The following MISP variants were observed in gnomAD, a reference collection of about 807,000 sequenced individuals.
MISP encodes mitotic interactor and substrate of PLK1.
In MISP, 51 loss-of-function variants were observed where a neutral mutation model predicts 49.3. That is an observed-to-expected ratio of 1.03 (90% confidence interval 0.83 to 1.31). The LOEUF is 1.31. MISP is among the 50% of genes most tolerant of loss of function. The probability of loss-of-function intolerance (pLI) is 0.00; values close to 1 mark genes in which losing one functional copy is unlikely to be tolerated. For synonymous variants in MISP, 444 were observed against 392.6 expected, an observed-to-expected ratio of 1.13 and a Z score of -1.55; for missense variants, 1,084 against 935.1, an observed-to-expected ratio of 1.16 and a Z score of -2.08.
chr19:757,970 C>A lies in MISP; in HGVS notation c.1024C>A (p.Arg342=). 6.3e-7 allele frequency: 1 copy of A among 1,585,078 alleles called. No individual in the cohort carries two copies. The highest frequency in any genetic ancestry group is 8.5e-7 in the Non-Finnish European group (1 of 1,170,542). The stretch of plus-strand genomic sequence containing the variant: ...GCTGAGCCTGATCACAGCCCCACGG[C>A]GGGAGAGAGGGCGCCCGTCCCTCTA... ...TKLSLITAPR[R]ERGRPSLYVQ... The change falls in exon 2 of 5, where the codon CGG becomes AGG. Residue 342 remains arginine, a synonymous_variant. Coordinates refer to ENST00000215582, the MANE Select transcript of MISP (RefSeq NM_173481.4).
intron 1 of MISP, among the ~76,000 whole-genome samples, chr19:753,924 G>A (rs981145570): frequency 6.6e-6 from 1 of 152,156 alleles, no homozygotes; most frequent in Admixed American, 6.5e-5. Context: ...TTACAGGCCT[G>A]AGCCCCTGTG....
At chr19:752,722 C>T (rs533023037) in intron 1 of MISP, among the ~76,000 whole-genome samples, 20 of 148,732 alleles carry the variant, frequency 1.3e-4, no homozygotes, top group African/African-American at 4.9e-4. Flanking sequence ...GGCACCTGCT[C>T]GAGGCTGGGC....
chr19:748,844 A>C (rs1422088299), upstream of MISP, among the ~76,000 whole-genome samples: 1 of 152,130 alleles, frequency 6.6e-6, no homozygotes, highest in African/African-American at 2.4e-5. Flanking sequence ...CCATCTGTAA[A>C]ATAAGCCTTC....
At chr19:752,724 A>C in intron 1 of MISP, among the ~76,000 whole-genome samples, 1 of 138,310 alleles carries the variant, frequency 7.2e-6, no homozygotes, top group Non-Finnish European at 1.6e-5. Context: ...CACCTGCTCG[A>C]GGCTGGGCGG....
At chr19:755,826 C>T (rs2033541155) in intron 1 of MISP, among the ~76,000 whole-genome samples, 1 of 151,954 alleles carries the variant, frequency 6.6e-6, no homozygotes, top group African/African-American at 2.4e-5. Flanking sequence ...CCCAGCTACT[C>T]AGGAGGCTGA....
In MISP at chr19:760,005, G is replaced by A. The variant is rs1381804456; in HGVS notation, c.1877G>A (p.Ser626Asn). ...TGGACAGTGGAAGATCCAGTGGACA[G>A]TGCTCCTCCCGGGCAGAGAAAGAAG... Reference protein sequence around the residue: ...VAWTVEDPVDSAPPGQRKKEQ... With the variant: ...VAWTVEDPVDNAPPGQRKKEQ... The change falls in exon 3 of 5, where the codon AGT (serine) becomes AAT (asparagine). Residue 626 changes from serine to asparagine, a missense_variant. Physicochemically the swap from Ser to Asn is conservative, Grantham distance 46. Coordinates refer to ENST00000215582, the MANE Select transcript of MISP (RefSeq NM_173481.4). 2 of 1,614,058 alleles carry A rather than the reference G, an allele frequency of 1.2e-6. No homozygotes were observed. The highest frequency in any genetic ancestry group is 2.7e-5 in the African/African-American group (2 of 75,016).
upstream of MISP, among the ~76,000 whole-genome samples, chr19:748,768 C>T (rs1016584109): frequency 6.6e-5 from 10 of 152,310 alleles, 1 homozygote; most frequent in South Asian, 8.3e-4. Flanking sequence ...GGTGCTGCCC[C>T]GCCAGCCCCA....
In MISP at chr19:760,015, C is replaced by T. The variant is rs373129325; in HGVS notation, c.1887C>T (p.Pro629=). 40 of 1,613,764 alleles carry T rather than the reference C, an allele frequency of 2.5e-5. No homozygotes were observed. The highest frequency in any genetic ancestry group is 8.3e-5 in the Admixed American group (5 of 59,958). ...TVEDPVDSAP[P]GQRKKEQWYA... Reference sequence around the variant, plus strand: ...AAGATCCAGTGGACAGTGCTCCTCCCGGGCAGAGAAAGAAGGAGCAATGGG... The same window carrying T: ...AAGATCCAGTGGACAGTGCTCCTCCTGGGCAGAGAAAGAAGGAGCAATGGG... The change falls in exon 3 of 5, where the codon CCC becomes CCT. Residue 629 remains proline, a synonymous_variant. Coordinates refer to ENST00000215582, the MANE Select transcript of MISP (RefSeq NM_173481.4).
At chr19:758,829 T>C (rs761555420) in intron 2 of MISP, 103 bp downstream of exon 2, 124 of 905,766 alleles carry the variant, frequency 1.4e-4, no homozygotes, top group Non-Finnish European at 1.9e-4. Flanking sequence ...GGGCTGGGGT[T>C]GGGGAGACAT....
At position 756,914 on chromosome 19, in the gene MISP, G is replaced by C; in HGVS notation, c.-33G>C. 3 of 1,477,238 alleles carry C rather than the reference G, an allele frequency of 2.0e-6. No individual in the cohort carries two copies. The highest frequency in any genetic ancestry group is 2.7e-6 in the Non-Finnish European group (3 of 1,106,560). 91.5% of individuals were successfully genotyped at this position (1,477,238 alleles called of 1,614,324 possible). A position where few individuals can be genotyped will look rare whatever the true frequency, so the allele number is the denominator to read the frequency against. On this transcript the variant is annotated 5_prime_UTR_variant, in exon 2 of 5. Coordinates refer to ENST00000215582, the MANE Select transcript of MISP (RefSeq NM_173481.4). ...GTAAGCCCAGAGGTCTCCACCCCACGGGAGGAAGGCTGAGGCCAAGACCCC... is the reference window on the plus strand; with the variant it reads ...GTAAGCCCAGAGGTCTCCACCCCACCGGAGGAAGGCTGAGGCCAAGACCCC...
At chr19:753,374 T>TTTTTTTC in intron 1 of MISP, among the ~76,000 whole-genome samples, 1 of 150,736 alleles carries the variant, frequency 6.6e-6, no homozygotes, top group African/African-American at 2.5e-5. Flanking sequence ...AGTTTTTCTT[T>TTTTTTTC]TTTTTTCTTT....
In MISP at chr19:763,899, G is replaced by A. The variant is rs182057737; in HGVS notation, c.*309G>A. 34 of 335,400 alleles carry A rather than the reference G, an allele frequency of 1.0e-4. No individual in the cohort carries two copies. Among genetic ancestry groups the A allele is most frequent in the African/African-American group, 5.5e-4 (26 of 47,396 alleles). 20.8% of individuals were successfully genotyped at this position (335,400 alleles called of 1,614,324 possible). ...CTGGGTCTAAGAAAGAAAGAGACCC[G>A]CTCCTCCACTTTCAGGTGTAATTTG... On this transcript the variant is annotated 3_prime_UTR_variant, in exon 5 of 5. Transcript: ENST00000215582.
rs772395485 is a variant in MISP at position 756,973 on chromosome 19, C to T, written c.27C>T (p.Ile9=). MDRVTRYP[I]LGIPQAHRGT... is the part of the protein sequence containing the mutation. The stretch of plus-strand genomic sequence containing the variant: ...TGGACCGCGTGACCAGATACCCCAT[C>T]CTGGGCATCCCTCAGGCACACCGTG... The change falls in exon 2 of 5, where the codon ATC becomes ATT. Residue 9 remains isoleucine (I), a synonymous_variant. Coordinates refer to ENST00000215582, the MANE Select transcript of MISP (RefSeq NM_173481.4). 38 of 1,583,074 alleles carry T rather than the reference C, an allele frequency of 2.4e-5. No homozygotes were observed. Among genetic ancestry groups the T allele is most frequent in the Non-Finnish European group, 3.1e-5 (36 of 1,161,740 alleles).
In MISP at chr19:763,518, G is replaced by T; in HGVS notation, c.1968G>T (p.Arg656=). The change falls in exon 5 of 5, where the codon CGG becomes CGT. Residue 656 remains arginine (R), a synonymous_variant. Transcript: ENST00000215582. ...GINSEVLEAI[R]VTRHKNAMAE... is the part of the protein sequence containing the mutation. ...TTTTGCAGGTCCTGGAAGCCATACG[G>T]GTGACCCGTCACAAGAACGCCATGG... is the stretch of plus-strand genomic sequence containing the variant. 6.2e-7 allele frequency: 1 copy of T among 1,614,040 alleles called. No individual in the cohort carries two copies.
intron 2 of MISP, 54 bp from the exon 3 acceptor site, chr19:759,855 C>T (rs2033643477): frequency 8.1e-6 from 13 of 1,601,300 alleles, no homozygotes; most frequent in Admixed American, 3.4e-5. Context: ...CTCTGTCTCC[C>T]GAGCAGAGGT....
upstream of MISP, among the ~76,000 whole-genome samples, chr19:749,853 C>T (rs1027287995): frequency 6.6e-6 from 1 of 152,042 alleles, no homozygotes; most frequent in Non-Finnish European, 1.5e-5. Flanking sequence ...AAGCACCCCC[C>T]TCCTGAGCAG....
chr19:755,968 A>C (rs1341470053), intron 1 of MISP, among the ~76,000 whole-genome samples: 1 of 151,758 alleles, frequency 6.6e-6, no homozygotes, highest in African/African-American at 2.4e-5. Flanking sequence ...TGGACTCCAC[A>C]GGGCAGGTGT....
At position 758,245 on chromosome 19, in the gene MISP, C is replaced by A; in HGVS notation, c.1299C>A (p.Thr433=). The A allele has an allele frequency of 6.2e-7, 1 of 1,613,590 alleles. No homozygotes were observed. The highest frequency in any genetic ancestry group is 2.2e-5 in the East Asian group (1 of 44,878). Residue 433 remains threonine, a synonymous_variant, in exon 2 of 5, where the codon ACC becomes ACA. Coordinates refer to ENST00000215582, the MANE Select transcript of MISP (RefSeq NM_173481.4). ...DAYQPYLSPG[T]PQLEFSAFGA... The stretch of plus-strand genomic sequence containing the variant: ...ACCAGCCGTACCTGAGCCCCGGGAC[C>A]CCCCAGCTAGAATTCTCAGCCTTCG...
At position 758,689 on chromosome 19, in the gene MISP, C is replaced by T. The variant is rs199872869; in HGVS notation, c.1743C>T (p.Asn581=). ...TCTTCTCCCCAACGCCAGATGAGAA[C>T]TCTGACCAGAACTCCAGGAGCTCCT... The part of the protein sequence containing the change: ...PEVFSPTPDE[N]SDQNSRSSSQ... The change falls in exon 2 of 5, where the codon AAC becomes AAT. Residue 581 remains asparagine (N), a synonymous_variant. Transcript: ENST00000215582. 6 of 1,614,072 alleles carry T rather than the reference C, an allele frequency of 3.7e-6. No individual in the cohort carries two copies. In the East Asian group the frequency reaches 1.1e-4, roughly 30 times the overall value.
Sources: allele counts gnomAD v4.1 joint callset (sites outside exome capture counted in the v4.1 genomes callset), GRCh38; gene constraint gnomAD v4.1.1; transcripts MANE v1.5; gene names NCBI Gene and HGNC (gene_info 2026-07-23, HGNC 2026-07-21).